The following EVA1C variants were observed in gnomAD, a reference collection of about 807,000 sequenced individuals.
EVA1C encodes eva-1 homolog C.
In EVA1C, 25 loss-of-function variants were observed where a neutral mutation model predicts 45.4. The ratio of observed to expected loss-of-function variants is 0.55; its 90% confidence interval spans 0.40 to 0.77. EVA1C has a LOEUF of 0.77. Ranked by LOEUF, EVA1C falls within the 30% of genes least tolerant of loss-of-function variation. The probability of loss-of-function intolerance (pLI) is 0.00; values close to 1 mark genes in which losing one functional copy is unlikely to be tolerated. For synonymous variants in EVA1C, 190 were observed against 221.2 expected (o/e 0.86, Z 1.25); for missense variants, 479 against 554.8 (o/e 0.86, Z 1.37).
rs552721438 is a variant in EVA1C, at chr21:32,437,739, G to A, written c.161-15573G>A. On this transcript the variant is annotated intron_variant, in intron 1 of 7. Coordinates refer to ENST00000300255, the MANE Select transcript of EVA1C (RefSeq NM_058187.5). ...TCTCTGGGGTGGGTCAGATGTAGCCGTTTTTGCCCTCTCCCTACACACCCT... is the reference window on the plus strand; with the variant it reads ...TCTCTGGGGTGGGTCAGATGTAGCCATTTTTGCCCTCTCCCTACACACCCT... Among the ~76,000 whole-genome samples, 9 of 152,138 alleles carry A rather than the reference G, an allele frequency of 5.9e-5. No individual in the cohort carries two copies. In the South Asian group the frequency reaches 6.2e-4, roughly 11 times the overall value.
At chr21:32,447,995 G>T (rs1168749583) in intron 1 of EVA1C, among the ~76,000 whole-genome samples, 2 of 152,114 alleles carry the variant, frequency 1.3e-5, no homozygotes, top group African/African-American at 4.8e-5. Context: ...GTGAGCCACC[G>T]CGCCTGGCCC....
intron 4 of EVA1C, among the ~76,000 whole-genome samples, chr21:32,469,276 A>G (rs964272518): frequency 2.0e-5 from 3 of 152,204 alleles, no homozygotes; most frequent in Non-Finnish European, 4.4e-5. Flanking sequence ...AGAAAAATCC[A>G]TGGGGAAGGG....
chr21:32,514,199 G>C (rs2038062588), intron 7 of EVA1C, among the ~76,000 whole-genome samples: 1 of 152,138 alleles, frequency 6.6e-6, no homozygotes, highest in African/African-American at 2.4e-5. Context: ...TCCCCCACGG[G>C]TACCAAGGGA....
chr21:32,437,103 T>A (rs2146190291), intron 1 of EVA1C, among the ~76,000 whole-genome samples: 2 of 152,350 alleles, frequency 1.3e-5, no homozygotes. Context: ...GAGGTCGCAG[T>A]GAGCCGAGAT....
In EVA1C at chr21:32,467,678, T is replaced by C. The variant is rs778422119; in HGVS notation, c.482-18T>C. ...TGGGGGAAGCTGATGGTGCCTTCAA[T>C]TTTTGTTTTTGCTTCAGATGAATTA... On this transcript the variant is annotated intron_variant, in intron 3 of 7. Transcript: ENST00000300255. 1.3e-6 allele frequency: 2 copies of C among 1,599,386 alleles called. No individual in the cohort carries two copies. Among genetic ancestry groups the C allele is most frequent in the South Asian group, 1.1e-5 (1 of 88,990 alleles).
chr21:32,427,181 A>G (rs1009030345), intron 1 of EVA1C, among the ~76,000 whole-genome samples: 3 of 152,234 alleles, frequency 2.0e-5, no homozygotes, highest in Admixed American at 6.5e-5. Flanking sequence ...CCCTTTTAAT[A>G]AAAAGGCACC....
intron 4 of EVA1C, among the ~76,000 whole-genome samples, chr21:32,471,178 C>A (rs1401941101): frequency 6.6e-6 from 1 of 151,616 alleles, no homozygotes. Context: ...CTTCTTCCTG[C>A]AAAAAGGGGC....
intron 7 of EVA1C, among the ~76,000 whole-genome samples, chr21:32,511,912 G>A (rs1209756956): frequency 1.3e-5 from 2 of 151,990 alleles, no homozygotes; most frequent in Non-Finnish European, 2.9e-5. Flanking sequence ...CAAATAAACA[G>A]TTCCCGACCC....
At chr21:32,425,020 T>C (rs2034434473) in intron 1 of EVA1C, among the ~76,000 whole-genome samples, 2 of 151,848 alleles carry the variant, frequency 1.3e-5, no homozygotes. Context: ...TTTTTAAAAG[T>C]ATTTTGTAGG....
chr21:32,506,237 G>A (rs1400947449), intron 7 of EVA1C, among the ~76,000 whole-genome samples: 1 of 147,252 alleles, frequency 6.8e-6, no homozygotes, highest in East Asian at 2.0e-4. Context: ...ATTTTGTGTG[G>A]TATCCCTGTA....
chr21:32,507,982 T>C (rs1471691867), intron 7 of EVA1C, among the ~76,000 whole-genome samples: 1 of 150,716 alleles, frequency 6.6e-6, no homozygotes, highest in Non-Finnish European at 1.5e-5. Flanking sequence ...TGTGCCTGCA[T>C]GTGTGTGTGT....
intron 5 of EVA1C, among the ~76,000 whole-genome samples, chr21:32,498,180 C>T (rs2037413527): frequency 6.6e-6 from 1 of 152,184 alleles, no homozygotes; most frequent in Non-Finnish European, 1.5e-5. Flanking sequence ...GGTGCGGTGG[C>T]TCACGCCTGT....
intron 1 of EVA1C, among the ~76,000 whole-genome samples, chr21:32,440,356 A>G (rs1280838123): frequency 6.6e-6 from 1 of 152,164 alleles, no homozygotes; most frequent in Non-Finnish European, 1.5e-5. Context: ...TGCTTGGGGT[A>G]AAGGGGGATT....
chr21:32,500,518 G>A (rs1427180130), intron 5 of EVA1C, among the ~76,000 whole-genome samples: 3 of 152,038 alleles, frequency 2.0e-5, no homozygotes, highest in Non-Finnish European at 4.4e-5. Flanking sequence ...ACAATGCAAT[G>A]ATTTTTAGTA....
chr21:32,494,233 T>C (rs2037266133), intron 4 of EVA1C, among the ~76,000 whole-genome samples: 1 of 152,246 alleles, frequency 6.6e-6, no homozygotes, highest in Admixed American at 6.5e-5. Context: ...AATTAGTTTA[T>C]TTCATTCATT....
At position 32,412,707 on chromosome 21, in the gene EVA1C, A is replaced by T. The variant is rs1433413857; in HGVS notation, c.-147A>T. ...GCGCCTGGGCTGGCCCGCGCAGGGG[A>T]GGAGGCTCTGGCAGCCTGGGCAGGG... On this transcript the variant is annotated 5_prime_UTR_variant, in exon 1 of 8. Coordinates refer to ENST00000300255, the MANE Select transcript of EVA1C (RefSeq NM_058187.5). 6 of 769,850 alleles carry T rather than the reference A, an allele frequency of 7.8e-6. No individual in the cohort carries two copies. Among genetic ancestry groups the T allele is most frequent in the Non-Finnish European group, 1.1e-5 (6 of 545,094 alleles). 47.7% of individuals were successfully genotyped at this position (769,850 alleles called of 1,614,324 possible).
At chr21:32,507,039 T>A (rs545927888) in intron 7 of EVA1C, among the ~76,000 whole-genome samples, 1 of 152,220 alleles carries the variant, frequency 6.6e-6, no homozygotes, top group South Asian at 2.1e-4. Flanking sequence ...GACACAGTAG[T>A]GCAGTCCAGT....
Position 32,474,754 on chromosome 21 carries a change from GATA to G in EVA1C, c.634+6909_634+6911del, listed in dbSNP as rs1174948477. On this transcript the variant is annotated intron_variant, in intron 4 of 7. Transcript: ENST00000300255. The surrounding 1 kb of genome is among the most constrained non-coding windows in gnomAD (Gnocchi z 4.4). The stretch of plus-strand genomic sequence containing the variant: ...TGCCCACACTCGGCTCCCGAGGATG[GATA>G]ATCGTCTGGTTACAGACTGGGAATG... 5.3e-5 allele frequency among the ~76,000 whole-genome samples: 8 copies of G among 152,230 alleles called. No individual in the cohort carries two copies. Among genetic ancestry groups the G allele is most frequent in the African/African-American group, 1.9e-4 (8 of 41,466 alleles).
chr21:32,507,391 C>T (rs779227589), intron 7 of EVA1C, among the ~76,000 whole-genome samples: 3 of 127,980 alleles, frequency 2.3e-5, no homozygotes, highest in African/African-American at 9.4e-5. Context: ...TGTGCATGTG[C>T]GTCTGTGAGC....
Sources: allele counts gnomAD v4.1 joint callset (sites outside exome capture counted in the v4.1 genomes callset), GRCh38; gene constraint gnomAD v4.1.1; non-coding constraint Gnocchi (gnomAD v3.1); transcripts MANE v1.5; gene names NCBI Gene and HGNC (gene_info 2026-07-23, HGNC 2026-07-21).